The following TCF7L2 variants were observed in gnomAD, a reference collection of about 807,000 sequenced individuals.
TCF7L2 encodes the protein transcription factor 7 like 2.
In TCF7L2, 23 loss-of-function variants were observed where a neutral mutation model predicts 77.9. That is an observed-to-expected ratio of 0.30 (90% confidence interval 0.21 to 0.42). The LOEUF is 0.42. Among genes scored for constraint, TCF7L2 ranks in the 10% least tolerant of loss-of-function variants. The probability of loss-of-function intolerance (pLI) is 1.00; values close to 1 mark genes in which losing one functional copy is unlikely to be tolerated. For synonymous variants in TCF7L2, 413 were observed against 340.2 expected (o/e 1.21, Z -2.36); for missense variants, 654 against 793.1 (o/e 0.82, Z 2.11).
intron 5 of TCF7L2, among the ~76,000 whole-genome samples, chr10:113,086,490 T>A (rs2059848323): frequency 6.6e-6 from 1 of 152,230 alleles, no homozygotes; most frequent in Non-Finnish European, 1.5e-5. Context: ...TGACCTTGAT[T>A]CTGAACCTGC....
Position 113,040,013 on chromosome 10 carries a change from T to G in TCF7L2, c.451-12T>G, listed in dbSNP as rs1282868210. On this transcript the variant is annotated splice_polypyrimidine_tract_variant and intron_variant, in intron 4 of 13. Transcript: ENST00000627217. ...CATTGTTTTTCATTTCACTTTTGTTTCCTCTCGCCAGTATCTCCAGATGAA... is the reference window on the plus strand; with the variant it reads ...CATTGTTTTTCATTTCACTTTTGTTGCCTCTCGCCAGTATCTCCAGATGAA... The G allele has an allele frequency of 6.2e-7, 1 of 1,609,646 alleles. No homozygotes were observed. Among genetic ancestry groups the G allele is most frequent in the South Asian group, 1.1e-5 (1 of 90,026 alleles).
At chr10:112,973,334 C>G (rs1250711829) in intron 4 of TCF7L2, among the ~76,000 whole-genome samples, 1 of 152,180 alleles carries the variant, frequency 6.6e-6, no homozygotes, top group Non-Finnish European at 1.5e-5. Flanking sequence ...TTAGGTTATA[C>G]TCACTCAGGA....
intron 4 of TCF7L2, among the ~76,000 whole-genome samples, chr10:112,981,179 G>A (rs931348277): frequency 6.6e-6 from 1 of 152,078 alleles, no homozygotes; most frequent in Non-Finnish European, 1.5e-5. Context: ...GATGAGAAAT[G>A]TCTCCTCACA....
At chr10:113,104,220 C>T (rs181512677) in intron 5 of TCF7L2, among the ~76,000 whole-genome samples, 25 of 152,300 alleles carry the variant, frequency 1.6e-4, no homozygotes, top group Admixed American at 1.4e-3. Flanking sequence ...AAAGGAGGAA[C>T]ATCACGCTGG....
chr10:113,084,417 G>T (rs987912054), intron 5 of TCF7L2, among the ~76,000 whole-genome samples: 1 of 152,232 alleles, frequency 6.6e-6, no homozygotes, highest in African/African-American at 2.4e-5. Context: ...ATGCCGGCTG[G>T]TTTGGAGGAA....
At chr10:112,969,809 A>G (rs771931954) in intron 4 of TCF7L2, among the ~76,000 whole-genome samples, 5 of 152,190 alleles carry the variant, frequency 3.3e-5, no homozygotes, top group African/African-American at 2.4e-5. Flanking sequence ...GTGGACCCAC[A>G]TTGCAGATGT....
At position 113,151,075 on chromosome 10, in the gene TCF7L2, C is replaced by A; in HGVS notation, c.953C>A (p.Thr318Lys). 2.5e-6 allele frequency: 4 copies of A among 1,614,228 alleles called. No individual in the cohort carries two copies. Among genetic ancestry groups the A allele is most frequent in the Non-Finnish European group, 3.4e-6 (4 of 1,180,048 alleles). ...CCGCATCCGGCCATAGTCACACCAA[C>A]AGTCAAACAGGAATCGTCCCAGAGT... Residue 318 changes from threonine (T) to lysine (K), a missense_variant, in exon 9 of 14, where the codon ACA (threonine) becomes AAA (lysine). Coordinates refer to ENST00000627217, the MANE Select transcript of TCF7L2 (RefSeq NM_001146274.2). This position sits in a 1 kb window ranked among gnomAD's most constrained non-coding sequence, Gnocchi z 5.2.
intron 4 of TCF7L2, among the ~76,000 whole-genome samples, chr10:113,021,517 C>T (rs1168293107): frequency 6.6e-6 from 1 of 152,152 alleles, no homozygotes; most frequent in Non-Finnish European, 1.5e-5. Context: ...TGAGCGCTTG[C>T]CATATGCTGG....
At chr10:113,026,296 TACCC>T (rs2049147396) in intron 4 of TCF7L2, among the ~76,000 whole-genome samples, 1 of 150,654 alleles carries the variant, frequency 6.6e-6, no homozygotes, top group Non-Finnish European at 1.5e-5. Flanking sequence ...GGATTACAGA[TACCC>T]ACCACCATGC....
At chr10:113,058,245 G>A (rs139471706) in intron 5 of TCF7L2, among the ~76,000 whole-genome samples, 1 of 152,110 alleles carries the variant, frequency 6.6e-6, no homozygotes, top group Non-Finnish European at 1.5e-5. Flanking sequence ...ATTCAAATAT[G>A]CCATGAAAGT....
At chr10:112,995,929 C>G (rs751776638) in intron 4 of TCF7L2, among the ~76,000 whole-genome samples, 1 of 152,108 alleles carries the variant, frequency 6.6e-6, no homozygotes, top group Non-Finnish European at 1.5e-5. Flanking sequence ...TTAATCTTTG[C>G]CTCAAATTTC....
chr10:112,965,123 G>C (rs2036437161), intron 4 of TCF7L2, among the ~76,000 whole-genome samples: 1 of 152,056 alleles, frequency 6.6e-6, no homozygotes, highest in Non-Finnish European at 1.5e-5. Context: ...ATGTTAAGTG[G>C]TGCTAAGAAT....
At chr10:113,099,299 A>G (rs1490179853) in intron 5 of TCF7L2, among the ~76,000 whole-genome samples, 1 of 152,192 alleles carries the variant, frequency 6.6e-6, no homozygotes, top group African/African-American at 2.4e-5. Flanking sequence ...CTCAGATGTC[A>G]GGACAGATTT....
At chr10:112,997,728 C>G (rs2043746537) in intron 4 of TCF7L2, among the ~76,000 whole-genome samples, 1 of 152,170 alleles carries the variant, frequency 6.6e-6, no homozygotes, top group South Asian at 2.1e-4. Context: ...TAATTTCCAT[C>G]TTAGGACTGG....
chr10:112,953,957 C>G (rs762124731), intron 3 of TCF7L2, among the ~76,000 whole-genome samples: 2 of 152,198 alleles, frequency 1.3e-5, no homozygotes, highest in Non-Finnish European at 2.9e-5. Flanking sequence ...CGTCCTTCCT[C>G]CCTGTTACCT....
chr10:113,138,897 T>C (rs2067854599), intron 5 of TCF7L2, among the ~76,000 whole-genome samples: 1 of 152,158 alleles, frequency 6.6e-6, no homozygotes, highest in Non-Finnish European at 1.5e-5. Flanking sequence ...TTGGGGAATC[T>C]GAATGAGTGA....
intron 8 of TCF7L2, among the ~76,000 whole-genome samples, chr10:113,146,717 C>A (rs2069500355): frequency 6.6e-6 from 1 of 150,562 alleles, no homozygotes; most frequent in South Asian, 2.1e-4. Context: ...ACATGCTATT[C>A]CTGGACAACA....
intron 4 of TCF7L2, among the ~76,000 whole-genome samples, chr10:113,001,431 T>G (rs1321064989): frequency 6.6e-6 from 1 of 152,152 alleles, no homozygotes; most frequent in Non-Finnish European, 1.5e-5. Flanking sequence ...GCTGGTAGGT[T>G]GGTTCTCAGA....
Position 112,967,540 on chromosome 10 carries a change from C to CT in TCF7L2, c.450+2917dup, listed in dbSNP as rs377447228. Reference sequence around the variant, plus strand: ...GATCTTTCCTACTTTTGACAGCCTCCTAGCTCCCCTTGGTTTTGAAAAGAC... The same window carrying CT: ...GATCTTTCCTACTTTTGACAGCCTCCTTAGCTCCCCTTGGTTTTGAAAAGAC... On this transcript the variant is annotated intron_variant, in intron 4 of 13. Transcript: ENST00000627217. 2.6e-3 allele frequency among the ~76,000 whole-genome samples: 390 copies of CT among 152,308 alleles called. 1 individual carries two copies. The highest frequency in any genetic ancestry group is 9.1e-3 in the African/African-American group (378 of 41,566).
Sources: allele counts gnomAD v4.1 joint callset (sites outside exome capture counted in the v4.1 genomes callset), GRCh38; gene constraint gnomAD v4.1.1; non-coding constraint Gnocchi (gnomAD v3.1); transcripts MANE v1.5; gene names NCBI Gene and HGNC (gene_info 2026-07-23, HGNC 2026-07-21).